The following EEA1 variants were observed in gnomAD, a reference collection of about 807,000 sequenced individuals.
EEA1 encodes the protein early endosome antigen 1.
A neutral mutation model predicts 209.2 loss-of-function variants in EEA1; 111 were observed. That is an observed-to-expected ratio of 0.53 (90% CI 0.45 to 0.62). The LOEUF is 0.62. EEA1 is among the 20% of genes least tolerant of loss of function. EEA1 has a pLI of 0.00. For missense variants in EEA1, 1,343 were observed against 1,530.8 expected (o/e 0.88, Z 2.05); for synonymous variants, 536 against 540.6 (o/e 0.99, Z 0.12).
chr12:92,796,993 T>C (rs1874680785), intron 21 of EEA1, among the ~76,000 whole-genome samples: 1 of 152,242 alleles, frequency 6.6e-6, no homozygotes, highest in Non-Finnish European at 1.5e-5. Flanking sequence ...CTGCCTGGCT[T>C]GAACATCTCT....
In EEA1 at chr12:92,780,792, T is replaced by G. The variant is rs190281482; in HGVS notation, c.3337-381A>C. 2.6e-5 allele frequency among the ~76,000 whole-genome samples: 4 copies of G among 152,290 alleles called. No individual in the cohort carries two copies. In the South Asian group the frequency reaches 8.3e-4, roughly 32 times the overall value. Reference sequence around the variant, plus strand: ...TATATGTAGACTTTTAAATCTCCATTTTCTAGGTGAAGAAACAAAGGTTTA... The same window carrying G: ...TATATGTAGACTTTTAAATCTCCATGTTCTAGGTGAAGAAACAAAGGTTTA... On this transcript the variant is annotated intron_variant, in intron 23 of 28. Coordinates refer to ENST00000322349, the MANE Select transcript of EEA1 (RefSeq NM_003566.4).
At position 92,811,448 on chromosome 12, in the gene EEA1, C is replaced by T; in HGVS notation, c.2044-14G>A. The T allele has an allele frequency of 6.6e-7, 1 of 1,515,318 alleles. No homozygotes were observed. Among genetic ancestry groups the T allele is most frequent in the South Asian group, 1.3e-5 (1 of 75,998 alleles). The allele number at this position is 1,515,318 out of a possible 1,614,324, so 93.9% of individuals were successfully genotyped here. A position where few individuals can be genotyped will look rare whatever the true frequency, so the allele number is the denominator to read the frequency against. On this transcript the variant is annotated splice_polypyrimidine_tract_variant and intron_variant, in intron 16 of 28. Transcript: ENST00000322349. ...CTTATTTAACTCCTTTAGAAAAGTA[C>T]AATTGAAGAAAACTTTGGTAAGGTT...
At chr12:92,871,470 T>C (rs559089211) in intron 2 of EEA1, among the ~76,000 whole-genome samples, 2 of 152,342 alleles carry the variant, frequency 1.3e-5, no homozygotes, top group African/African-American at 2.4e-5. Context: ...GTGCACTTTC[T>C]GGTAATGCTC....
At chr12:92,903,924 AT>A (rs1880257641) in intron 1 of EEA1, among the ~76,000 whole-genome samples, 1 of 151,236 alleles carries the variant, frequency 6.6e-6, no homozygotes, top group African/African-American at 2.4e-5. Flanking sequence ...TCCACCCATA[AT>A]TTTTTGTTAG....
intron 14 of EEA1, among the ~76,000 whole-genome samples, chr12:92,816,982 T>C (rs1033726731): frequency 8.6e-5 from 13 of 151,438 alleles, no homozygotes; most frequent in Non-Finnish European, 1.8e-4. Flanking sequence ...TGATATTTCT[T>C]TGATGTACCT....
At chr12:92,823,099 A>G (rs1214247166) in intron 13 of EEA1, among the ~76,000 whole-genome samples, 4 of 152,278 alleles carry the variant, frequency 2.6e-5, no homozygotes, top group African/African-American at 7.2e-5. Context: ...ATTATTTTTC[A>G]TCTGAACTGC....
At position 92,779,222 on chromosome 12, in the gene EEA1, T is replaced by C. The variant is rs1873792493; in HGVS notation, c.3547A>G (p.Lys1183Glu). ...LELQGKADSL[K>E]AAVEQEKRNQ... ...CTCTTCTCCTGTTCAACAGCTGCCTTCAGGGAGTCCGCTTTTCCTTGAAGT... is the reference window on the plus strand; with the variant it reads ...CTCTTCTCCTGTTCAACAGCTGCCTCCAGGGAGTCCGCTTTTCCTTGAAGT... The change falls in exon 25 of 29, where the codon AAG (lysine) becomes GAG (glutamate). Residue 1183 changes from lysine to glutamate, a missense_variant. By Grantham distance (56) the Lys-to-Glu change is moderately conservative. Coordinates refer to ENST00000322349, the MANE Select transcript of EEA1 (RefSeq NM_003566.4). 2 of 1,610,708 alleles carry C rather than the reference T, an allele frequency of 1.2e-6. No homozygotes were observed.
At chr12:92,927,219 CATCTAGTGGGGGTAG>C (rs1881247920) in intron 1 of EEA1, among the ~76,000 whole-genome samples, 1 of 152,146 alleles carries the variant, frequency 6.6e-6, no homozygotes, top group Non-Finnish European at 1.5e-5. Context: ...ATGCTACTGG[CATCTAGTGGGGGTAG>C]ATGCCAGGGA....
At chr12:92,858,270 A>C in intron 3 of EEA1, 5 of 732,532 alleles carry the variant, frequency 6.8e-6, no homozygotes, top group Non-Finnish European at 1.3e-5. Context: ...TAAAACTGGA[A>C]TGATCCTTCT....
intron 15 of EEA1, among the ~76,000 whole-genome samples, 178 bp downstream of exon 15, chr12:92,816,022 G>C (rs561216888): frequency 2.6e-5 from 4 of 151,398 alleles, no homozygotes; most frequent in African/African-American, 4.9e-5. Flanking sequence ...CAGAGAGGGG[G>C]AGCAGGGGAG....
At chr12:92,832,379 T>C (rs918469145) in intron 11 of EEA1, 133 bp downstream of exon 11, 50 of 861,880 alleles carry the variant, frequency 5.8e-5, no homozygotes, top group Non-Finnish European at 8.0e-5. Context: ...CTACAGGATA[T>C]AAAAGTTAAG....
At chr12:92,841,082 C>T (rs1166814981) in intron 10 of EEA1, among the ~76,000 whole-genome samples, 2 of 152,106 alleles carry the variant, frequency 1.3e-5, no homozygotes, top group African/African-American at 4.8e-5. Flanking sequence ...TTCTCAGCCT[C>T]CAAAATAGTA....
intron 9 of EEA1, among the ~76,000 whole-genome samples, chr12:92,848,283 C>T (rs1313874491): frequency 2.7e-5 from 4 of 150,752 alleles, no homozygotes; most frequent in Non-Finnish European, 4.4e-5. Context: ...CAGGAGGAGA[C>T]GATGGAGGGA....
At chr12:92,908,652 T>C (rs969223956) in intron 1 of EEA1, among the ~76,000 whole-genome samples, 1 of 152,170 alleles carries the variant, frequency 6.6e-6, no homozygotes, top group Non-Finnish European at 1.5e-5. Flanking sequence ...TCAATAATCT[T>C]AGCCATAATA....
intron 2 of EEA1, chr12:92,883,641 T>C (rs1565849233): frequency 1.9e-6 from 1 of 534,310 alleles, no homozygotes; most frequent in Non-Finnish European, 3.2e-6. Flanking sequence ...CACATGATTT[T>C]CTTAATAATA....
At position 92,813,032 on chromosome 12, in the gene EEA1, T is replaced by A. The variant is rs754164446; in HGVS notation, c.1991A>T (p.Asp664Val). ...AGCTGTGTCCAAATGATTCTGAAGA[T>A]CAGCTCTTTGAGCAGTTTTTGCTGC... Reference protein sequence around the residue: ...AEAAKTAQRADLQNHLDTAQN... With the variant: ...AEAAKTAQRAVLQNHLDTAQN... The change falls in exon 16 of 29, where the codon GAT becomes GTT. Residue 664 changes from aspartate to valine, a missense_variant. Asp to Val is a radical substitution (Grantham distance 152). Coordinates refer to ENST00000322349, the MANE Select transcript of EEA1 (RefSeq NM_003566.4). The A allele has an allele frequency of 6.2e-7, 1 of 1,602,006 alleles. No individual in the cohort carries two copies. Among genetic ancestry groups the A allele is most frequent in the Non-Finnish European group, 8.5e-7 (1 of 1,171,524 alleles).
At chr12:92,857,783 A>T (rs1242462922) in intron 3 of EEA1, among the ~76,000 whole-genome samples, 2 of 152,246 alleles carry the variant, frequency 1.3e-5, no homozygotes, top group Non-Finnish European at 2.9e-5. Context: ...ACTAACAATA[A>T]GCATCAATGG....
At chr12:92,782,196 C>T in intron 22 of EEA1, 61 bp from the exon 23 acceptor site, 8 of 1,354,042 alleles carry the variant, frequency 5.9e-6, no homozygotes, top group Non-Finnish European at 8.1e-6. Flanking sequence ...TCAACAGAAA[C>T]ATAGTTAATA....
chr12:92,906,229 C>A (rs924565157), intron 1 of EEA1, among the ~76,000 whole-genome samples: 1 of 151,904 alleles, frequency 6.6e-6, no homozygotes, highest in Admixed American at 6.6e-5. Context: ...GTAGCTGGGA[C>A]TATAGGCACA....
Sources: gnomAD v4.1 joint callset for allele counts (sites outside exome capture counted in the v4.1 genomes callset) on GRCh38, gnomAD v4.1.1 for gene constraint, MANE v1.5 for transcripts, NCBI Gene and HGNC (gene_info 2026-07-23, HGNC 2026-07-21) for gene names.